Variants in RETREG2 observed in about 807,000 individuals in gnomAD.
RETREG2 encodes the protein reticulophagy regulator 2.
A neutral mutation model predicts 51.6 loss-of-function variants in RETREG2; 21 were observed. The ratio of observed to expected loss-of-function variants is 0.41; its 90% confidence interval spans 0.29 to 0.59. The LOEUF is 0.59. RETREG2 is among the 20% of genes least tolerant of loss of function. The pLI is 0.34. For missense variants in RETREG2, 674 were observed against 646.0 expected, an observed-to-expected ratio of 1.04 and a Z score of -0.47; for synonymous variants, 339 against 288.6, an observed-to-expected ratio of 1.17 and a Z score of -1.77.
intron 5 of RETREG2, 65 bp downstream of exon 5, chr2:219,180,819 A>T: frequency 6.4e-7 from 1 of 1,552,990 alleles, no homozygotes; most frequent in Non-Finnish European, 8.9e-7. Flanking sequence ...GGACTGACCC[A>T]GAGGGAAGAC....
intron 4 of RETREG2, 57 bp downstream of exon 4, chr2:219,180,302 G>C (rs766747547): frequency 1.0e-4 from 168 of 1,607,078 alleles, no homozygotes; most frequent in Non-Finnish European, 1.4e-4. Context: ...TAGAGGTGGC[G>C]GGGGATGGGA....
At chr2:219,181,330 T>C in intron 6 of RETREG2, 39 bp from the exon 7 acceptor site, 1 of 1,609,272 alleles carries the variant, frequency 6.2e-7, no homozygotes, top group Non-Finnish European at 8.5e-7. Context: ...CTCCCATCAT[T>C]CATGCTTGGT....
Position 219,178,460 on chromosome 2 carries a change from C to G in RETREG2, c.108C>G (p.Thr36=). ...LGLSLGMSEA[T]SEAEEEAATA... ...TGAGCCTAGGCATGAGTGAGGCCAC[C>G]AGTGAGGCAGAGGAGGAGGCGGCCA... is the stretch of plus-strand genomic sequence containing the variant. Residue 36 remains threonine (T), a synonymous_variant, in exon 1 of 9, where the codon ACC becomes ACG. Coordinates refer to ENST00000430297, the MANE Select transcript of RETREG2 (RefSeq NM_024293.6). 1 of 886,616 alleles carries G rather than the reference C, an allele frequency of 1.1e-6. No homozygotes were observed. The highest frequency in any genetic ancestry group is 1.7e-6 in the Non-Finnish European group (1 of 604,510). The allele number at this position is 886,616 out of a possible 1,614,324, so 54.9% of individuals were successfully genotyped here. A position where few individuals can be genotyped will look rare whatever the true frequency, so the allele number is the denominator to read the frequency against.
chr2:219,184,722 G>A lies in RETREG2; in HGVS notation c.*2093G>A, dbSNP rs765565134. On this transcript the variant is annotated 3_prime_UTR_variant, in exon 9 of 9. Transcript: ENST00000430297. ...TTATTAAGCTTGGACATTGACAATA[G>A]AACCAGAAGCTTGTAGCTGGATCAA... The A allele has an allele frequency of 3.3e-5, 5 of 151,914 alleles. No homozygotes were observed. Among genetic ancestry groups the A allele is most frequent in the Middle Eastern group, 3.2e-3 (1 of 316 alleles). The allele number at this position is 151,914 out of a possible 1,614,324, so 9.4% of individuals were successfully genotyped here.
intron 7 of RETREG2, 41 bp from the exon 8 acceptor site, chr2:219,181,599 T>C (rs934140978): frequency 1.2e-6 from 2 of 1,609,770 alleles, no homozygotes; most frequent in Middle Eastern, 1.7e-4. Context: ...TTGGTTCTCT[T>C]ATCCCCTCAC....
chr2:219,181,962 G>C (rs758284893), intron 8 of RETREG2, 51 bp from the exon 9 acceptor site: 12 of 1,595,716 alleles, frequency 7.5e-6, no homozygotes, highest in Middle Eastern at 1.7e-4. Flanking sequence ...GTCTGTTGTG[G>C]CTAATCAGAC....
Position 219,180,123 on chromosome 2 carries a change from T to C in RETREG2, c.433T>C (p.Ser145Pro). ...EPHSDSEGAG[S>P]GARPHLLSVP... The stretch of plus-strand genomic sequence containing the variant: ...ATGTCTCCCCAGTGAGGGTGCGGGG[T>C]CAGGCGCCCGGCCGCACCTGCTGAG... Residue 145 changes from serine to proline, a missense_variant, in exon 4 of 9, where the codon TCA becomes CCA. Ser to Pro is a moderately conservative substitution (Grantham distance 74). Transcript: ENST00000430297. 6.2e-7 allele frequency: 1 copy of C among 1,613,822 alleles called. No homozygotes were observed. Among genetic ancestry groups the C allele is most frequent in the South Asian group, 1.1e-5 (1 of 91,054 alleles).
rs1574786476 is a variant in RETREG2, at chr2:219,182,401, A to C, written c.1404A>C (p.Pro468=). ...SDPAPSPSIL[P]PVPQDSPQPL... is the part of the protein sequence containing the mutation. ...CAGCCCCCTCCCCTTCCATTCTCCC[A>C]CCTGTTCCCCAGGACTCACCCCAGC... Residue 468 remains proline (P), a synonymous_variant, in exon 9 of 9, where the codon CCA becomes CCC. Coordinates refer to ENST00000430297, the MANE Select transcript of RETREG2 (RefSeq NM_024293.6). 1.2e-5 allele frequency: 19 copies of C among 1,611,916 alleles called. No individual in the cohort carries two copies. Among genetic ancestry groups the C allele is most frequent in the Non-Finnish European group, 1.6e-5 (19 of 1,179,486 alleles).
chr2:219,184,134 T>C lies in RETREG2; in HGVS notation c.*1505T>C, dbSNP rs1950319091. ...GCCAGAACCCAAACCCAAGAAGTTT[T>C]GGCTTCAGCAAATGCATCAGACAGC... On this transcript the variant is annotated 3_prime_UTR_variant, in exon 9 of 9. Coordinates refer to ENST00000430297, the MANE Select transcript of RETREG2 (RefSeq NM_024293.6). 1 of 152,222 alleles carries C rather than the reference T, an allele frequency of 6.6e-6. No homozygotes were observed. The highest frequency in any genetic ancestry group is 2.4e-5 in the African/African-American group (1 of 41,446). The allele number at this position is 152,222 out of a possible 1,614,324, so 9.4% of individuals were successfully genotyped here.
intron 3 of RETREG2, 150 bp downstream of exon 3, chr2:219,179,913 G>A: frequency 8.8e-7 from 1 of 1,129,996 alleles, no homozygotes; most frequent in East Asian, 2.4e-5. Flanking sequence ...TCCTGTGTAG[G>A]TGTTTGCGTG....
rs1427124049 is a variant in RETREG2, at chr2:219,184,543, CCT to C, written c.*1915_*1916del. 2 of 152,128 alleles carry C rather than the reference CCT, an allele frequency of 1.3e-5. No homozygotes were observed. The highest frequency in any genetic ancestry group is 6.6e-5 in the Admixed American group (1 of 15,256). 9.4% of individuals were successfully genotyped at this position (152,128 alleles called of 1,614,324 possible). On this transcript the variant is annotated 3_prime_UTR_variant, in exon 9 of 9. Transcript: ENST00000430297. Reference sequence around the variant, plus strand: ...AATCATTCTAGGGTTTGATTGAGCCCCTGTCCTGTGCCACTAAAGGAACTCGA... The same window carrying C: ...AATCATTCTAGGGTTTGATTGAGCCCGTCCTGTGCCACTAAAGGAACTCGA...
At position 219,182,267 on chromosome 2, in the gene RETREG2, T is replaced by C. The variant is rs1012032553; in HGVS notation, c.1270T>C (p.Cys424Arg). Residue 424 changes from cysteine to arginine, a missense_variant, in exon 9 of 9, where the codon TGC becomes CGC. Transcript: ENST00000430297. The part of the protein sequence containing the change: ...GAGSPPDGVK[C>R]SPGGPVETLS... ...AGGGTCCCCCCCAGATGGAGTGAAA[T>C]GCTCCCCTGGAGGACCAGTGGAGAC... 1 of 1,613,790 alleles carries C rather than the reference T, an allele frequency of 6.2e-7. No individual in the cohort carries two copies. The highest frequency in any genetic ancestry group is 8.5e-7 in the Non-Finnish European group (1 of 1,179,958).
rs1222938870 is a variant in RETREG2 at position 219,181,723 on chromosome 2, T to A, written c.963T>A (p.Gly321=). 1 of 1,613,932 alleles carries A rather than the reference T, an allele frequency of 6.2e-7. No homozygotes were observed. The highest frequency in any genetic ancestry group is 8.5e-7 in the Non-Finnish European group (1 of 1,180,010). Residue 321 remains glycine (G), a synonymous_variant, in exon 8 of 9, where the codon GGT becomes GGA. Coordinates refer to ENST00000430297, the MANE Select transcript of RETREG2 (RefSeq NM_024293.6). ...AGGAGGCTTCTATCTTGGAGAGTGG[T>A]GGCTTCTCCGTATCCCGGGCCACAA... ...SDEEASILES[G]GFSVSRATTP... is the part of the protein sequence containing the mutation.
chr2:219,183,426 G>C lies in RETREG2; in HGVS notation c.*797G>C, dbSNP rs367609813. 4 of 152,270 alleles carry C rather than the reference G, an allele frequency of 2.6e-5. No individual in the cohort carries two copies. Among genetic ancestry groups the C allele is most frequent in the African/African-American group, 9.7e-5 (4 of 41,440 alleles). 9.4% of individuals were successfully genotyped at this position (152,270 alleles called of 1,614,324 possible). A position where few individuals can be genotyped will look rare whatever the true frequency, so the allele number is the denominator to read the frequency against. ...AAGTGTAGTGGGACCCCCTACTAGGGTCAGGAAGTGGACACTAACATCTGT... is the reference window on the plus strand; with the variant it reads ...AAGTGTAGTGGGACCCCCTACTAGGCTCAGGAAGTGGACACTAACATCTGT... On this transcript the variant is annotated 3_prime_UTR_variant, in exon 9 of 9. Transcript: ENST00000430297.
Position 219,184,844 on chromosome 2 carries a change from TGAGACGGA to T in RETREG2, c.*2217_*2224del, listed in dbSNP as rs1950329884. 19 of 134,154 alleles carry T rather than the reference TGAGACGGA, an allele frequency of 1.4e-4. No individual in the cohort carries two copies. The highest frequency in any genetic ancestry group is 2.5e-4 in the East Asian group (1 of 4,022). 8.3% of individuals were successfully genotyped at this position (134,154 alleles called of 1,614,324 possible). A position where few individuals can be genotyped will look rare whatever the true frequency, so the allele number is the denominator to read the frequency against. On this transcript the variant is annotated 3_prime_UTR_variant, in exon 9 of 9. Coordinates refer to ENST00000430297, the MANE Select transcript of RETREG2 (RefSeq NM_024293.6). ...TTGTGGGTTTTTTTTTTTTTTTTTT[TGAGACGGA>T]GTCTTGTTCTGTTGCCCAGGCTGGA... is the stretch of plus-strand genomic sequence containing the variant.
rs1405763198 is a variant in RETREG2, at chr2:219,182,858, A to G, written c.*229A>G. On this transcript the variant is annotated 3_prime_UTR_variant, in exon 9 of 9. Transcript: ENST00000430297. The stretch of plus-strand genomic sequence containing the variant: ...TTGTAAATAATTTTCCATTTGGGTT[A>G]GTGGATGTGAACAGGGCTAGGGAAG... 2 of 580,614 alleles carry G rather than the reference A, an allele frequency of 3.4e-6. No homozygotes were observed. Among genetic ancestry groups the G allele is most frequent in the African/African-American group, 1.9e-5 (1 of 53,406 alleles). The allele number at this position is 580,614 out of a possible 1,614,324, so 36.0% of individuals were successfully genotyped here. A position where few individuals can be genotyped will look rare whatever the true frequency, so the allele number is the denominator to read the frequency against.
At position 219,178,909 on chromosome 2, in the gene RETREG2, G is replaced by C. The variant is rs747902504; in HGVS notation, c.282-13G>C. ...TCACCCACTCACTGCTGAGGTGCCT[G>C]TCTCTCCCTAAGGTTGCTGTCTTCC... On this transcript the variant is annotated splice_polypyrimidine_tract_variant and intron_variant, in intron 1 of 8. Transcript: ENST00000430297. 2.5e-6 allele frequency: 4 copies of C among 1,590,582 alleles called. No individual in the cohort carries two copies. The highest frequency in any genetic ancestry group is 2.7e-5 in the African/African-American group (2 of 74,370).
intron 4 of RETREG2, 86 bp from the exon 5 acceptor site, chr2:219,180,584 C>T: frequency 1.9e-6 from 3 of 1,604,328 alleles, no homozygotes; most frequent in Non-Finnish European, 2.5e-6. Context: ...ACCCATCCTT[C>T]TACCAGCTGA....
chr2:219,179,091 G>T, intron 2 of RETREG2, 63 bp downstream of exon 2: 1 of 1,231,904 alleles, frequency 8.1e-7, no homozygotes. Flanking sequence ...ATTCCGCTGG[G>T]TGGGGTTAAG....
Sources: allele counts gnomAD v4.1 joint callset, GRCh38; gene constraint gnomAD v4.1.1; transcripts MANE v1.5; gene names NCBI Gene and HGNC (gene_info 2026-07-23, HGNC 2026-07-21).